Variants in SYDE2 observed in about 807,000 individuals in gnomAD.
SYDE2 encodes synapse defective Rho GTPase homolog 2.
A neutral mutation model predicts 91.5 loss-of-function variants in SYDE2; 76 were observed. The observed-to-expected ratio is 0.83, with a 90% CI of 0.69 to 1.01. The LOEUF is 1.01. Among genes scored for constraint, SYDE2 ranks in the 50% least tolerant of loss-of-function variants. The probability of loss-of-function intolerance (pLI) is 0.00; values close to 1 mark genes in which losing one functional copy is unlikely to be tolerated. For missense variants in SYDE2, 1,364 were observed against 1,367.7 expected (o/e 1.00, Z 0.04); for synonymous variants, 513 against 506.4 (o/e 1.01, Z -0.18).
intron 6 of SYDE2, among the ~76,000 whole-genome samples, chr1:85,162,743 C>A (rs942450060): frequency 7.9e-5 from 12 of 152,148 alleles, no homozygotes; most frequent in Admixed American, 7.9e-4. Context: ...AATAAAATGA[C>A]CTTAACCTCT....
rs1311749459 is a variant in SYDE2 at position 85,182,570 on chromosome 1, T to C, written c.2072A>G (p.Asp691Gly). The change falls in exon 3 of 7, where the codon GAT becomes GGT. Residue 691 changes from aspartate (D) to glycine (G), a missense_variant. Asp to Gly is a moderately conservative substitution (Grantham distance 94). Transcript: ENST00000341460. ...LMSVHFYGAE[D>G]LKPPRIDSKD... is the part of the protein sequence containing the mutation. ...TGAATCTATCCGAGGTGGTTTTAAATCCTCAGCACCATAGAAATGTACACT... is the reference window on the plus strand; with the variant it reads ...TGAATCTATCCGAGGTGGTTTTAAACCCTCAGCACCATAGAAATGTACACT... 1 of 1,613,882 alleles carries C rather than the reference T, an allele frequency of 6.2e-7. No individual in the cohort carries two copies.
Position 85,158,641 on chromosome 1 carries a change from T to C in SYDE2, c.*109A>G, listed in dbSNP as rs1656948553. 5 of 560,554 alleles carry C rather than the reference T, an allele frequency of 8.9e-6. No individual in the cohort carries two copies. Among genetic ancestry groups the C allele is most frequent in the Admixed American group, 3.7e-5 (1 of 27,298 alleles). The allele number at this position is 560,554 out of a possible 1,614,324, so 34.7% of individuals were successfully genotyped here. A position where few individuals can be genotyped will look rare whatever the true frequency, so the allele number is the denominator to read the frequency against. Reference sequence around the variant, plus strand: ...ATCAGATAAACTTATTAAAAATTAATTAAAGATTTCAAGAGTAAAAAAATG... The same window carrying C: ...ATCAGATAAACTTATTAAAAATTAACTAAAGATTTCAAGAGTAAAAAAATG... On this transcript the variant is annotated 3_prime_UTR_variant, in exon 7 of 7. Coordinates refer to ENST00000341460, the MANE Select transcript of SYDE2 (RefSeq NM_032184.2).
intron 2 of SYDE2, among the ~76,000 whole-genome samples, chr1:85,183,668 T>G (rs1286144909): frequency 6.6e-6 from 1 of 152,158 alleles, no homozygotes; most frequent in Non-Finnish European, 1.5e-5. Flanking sequence ...ATTAAGAAGA[T>G]AATAGAAAAT....
intron 5 of SYDE2, among the ~76,000 whole-genome samples, chr1:85,168,671 C>T (rs1226633768): frequency 6.6e-6 from 1 of 152,122 alleles, no homozygotes; most frequent in African/African-American, 2.4e-5. Flanking sequence ...AAAGGAGACA[C>T]ACCAAAATGT....
downstream of SYDE2, among the ~76,000 whole-genome samples, chr1:85,155,600 C>T (rs188089792): frequency 1.5e-3 from 222 of 152,224 alleles, 1 homozygote; most frequent in Middle Eastern, 0.017. Flanking sequence ...GGGAAGTTGA[C>T]GACTGGCTAT....
At chr1:85,162,969 A>G (rs534541827) in intron 6 of SYDE2, among the ~76,000 whole-genome samples, 2 of 152,312 alleles carry the variant, frequency 1.3e-5, no homozygotes, top group East Asian at 1.9e-4. Context: ...AATTAGCTCA[A>G]TTACCCTGAG....
chr1:85,156,924 C>T lies in SYDE2; in HGVS notation c.*1826G>A, dbSNP rs895749789. On this transcript the variant is annotated 3_prime_UTR_variant, in exon 7 of 7. Transcript: ENST00000341460. ...TCTAGAGCAATTTATTCAATTCATA[C>T]ATGATATAGCAACAAAAGGAAGGAA... 6.6e-6 allele frequency: 1 copy of T among 151,918 alleles called. No homozygotes were observed. 9.4% of individuals were successfully genotyped at this position (151,918 alleles called of 1,614,324 possible). A position where few individuals can be genotyped will look rare whatever the true frequency, so the allele number is the denominator to read the frequency against.
intron 1 of SYDE2, chr1:85,194,850 T>C: frequency 1.0e-6 from 1 of 985,378 alleles, no homozygotes; most frequent in Non-Finnish European, 1.2e-6. Context: ...AATTATATAT[T>C]TCAACCCTCA....
At chr1:85,188,652 T>G (rs1041091277) in intron 2 of SYDE2, among the ~76,000 whole-genome samples, 2 of 152,196 alleles carry the variant, frequency 1.3e-5, no homozygotes, top group Admixed American at 6.5e-5. Flanking sequence ...ATGAGAAAAC[T>G]CTGGGAAACA....
At chr1:85,166,007 C>T (rs1361430372) in intron 5 of SYDE2, among the ~76,000 whole-genome samples, 2 of 151,328 alleles carry the variant, frequency 1.3e-5, no homozygotes, top group Admixed American at 6.6e-5. Flanking sequence ...CCAAGTAGCT[C>T]GGGCTACAGG....
downstream of SYDE2, chr1:85,154,081 T>C (rs1200261942): frequency 2.0e-5 from 3 of 152,124 alleles, no homozygotes; most frequent in Non-Finnish European, 4.4e-5. Context: ...GAGTGAAAAT[T>C]GGTCAGGAAA....
At position 85,174,484 on chromosome 1, in the gene SYDE2, G is replaced by C. The variant is rs549026797; in HGVS notation, c.2671+3662C>G. Among the ~76,000 whole-genome samples the C allele has an allele frequency of 1.9e-4, 29 of 152,294 alleles. No individual in the cohort carries two copies. In the South Asian group the frequency reaches 3.5e-3, roughly 19 times the overall value. ...TTTAGGACCTATGAATCAGAAGACT[G>C]AATATGCACATATACAAAATGAGAA... On this transcript the variant is annotated intron_variant, in intron 4 of 6. Transcript: ENST00000341460.
intron 1 of SYDE2, among the ~76,000 whole-genome samples, chr1:85,196,387 C>T (rs1224474260): frequency 3.3e-5 from 5 of 152,218 alleles, no homozygotes; most frequent in African/African-American, 4.8e-5. Context: ...TTCATATGGA[C>T]ATTAAGTTTG....
chr1:85,185,109 TA>T (rs1356194324), intron 2 of SYDE2, among the ~76,000 whole-genome samples: 1 of 150,918 alleles, frequency 6.6e-6, no homozygotes, highest in Non-Finnish European at 1.5e-5. Flanking sequence ...AGATGACTTA[TA>T]AATAAACTGT....
chr1:85,179,657 C>T (rs868138542), intron 3 of SYDE2, among the ~76,000 whole-genome samples: 1 of 152,220 alleles, frequency 6.6e-6, no homozygotes, highest in African/African-American at 2.4e-5. Context: ...ATCACATCAT[C>T]TCAAGAAAGA....
At chr1:85,191,543 A>C (rs1658367053) in intron 1 of SYDE2, among the ~76,000 whole-genome samples, 1 of 152,104 alleles carries the variant, frequency 6.6e-6, no homozygotes, top group African/African-American at 2.4e-5. Context: ...GAGGATCACG[A>C]GGTCAGGAGT....
intron 3 of SYDE2, among the ~76,000 whole-genome samples, chr1:85,179,831 GAGA>G (rs59976187): frequency 0.21 from 32,665 of 151,946 alleles, 3,728 homozygotes; most frequent in South Asian, 0.25. Context: ...CCTTAAACTT[GAGA>G]AGAAGATGAG....
chr1:85,155,099 A>T (rs971984996), downstream of SYDE2, among the ~76,000 whole-genome samples: 4 of 152,072 alleles, frequency 2.6e-5, no homozygotes, highest in African/African-American at 9.7e-5. Context: ...ATACATCCCA[A>T]GATGATAGCT....
At chr1:85,185,678 A>T (rs561820396) in intron 2 of SYDE2, among the ~76,000 whole-genome samples, 4,229 of 152,218 alleles carry the variant, frequency 0.028, 87 homozygotes, top group African/African-American at 0.054. Context: ...GAAGTTGCTT[A>T]TCAGCTTAAG....
Sources: gnomAD v4.1 joint callset for allele counts (sites outside exome capture counted in the v4.1 genomes callset) on GRCh38, gnomAD v4.1.1 for gene constraint, MANE v1.5 for transcripts, NCBI Gene and HGNC (gene_info 2026-07-23, HGNC 2026-07-21) for gene names.